EML4: variants seen among roughly 807,000 people sequenced by gnomAD.
EML4 encodes echinoderm microtubule-associated protein-like 4.
In EML4, 72 loss-of-function variants were observed where a neutral mutation model predicts 129.0. The ratio of observed to expected loss-of-function variants is 0.56; its 90% CI spans 0.46 to 0.68. The LOEUF is 0.68. Ranked by LOEUF, EML4 falls within the 30% of genes least tolerant of loss-of-function variation. The pLI is 0.00. For synonymous variants in EML4, 532 were observed against 405.0 expected, an observed-to-expected ratio of 1.31 and a Z score of -3.77; for missense variants, 1,363 against 1,190.6, an observed-to-expected ratio of 1.14 and a Z score of -2.13.
At chr2:42,326,720 A>T (rs1669827424) in intron 21 of EML4, among the ~76,000 whole-genome samples, 1 of 152,260 alleles carries the variant, frequency 6.6e-6, no homozygotes, top group Non-Finnish European at 1.5e-5. Flanking sequence ...TGTCTCTGCT[A>T]AAAATACAAA....
chr2:42,222,033 T>C (rs1442447896), intron 1 of EML4, among the ~76,000 whole-genome samples: 1 of 152,070 alleles, frequency 6.6e-6, no homozygotes, highest in Non-Finnish European at 1.5e-5. Flanking sequence ...GCACCTGGCC[T>C]AAAGTTGTCT....
intron 17 of EML4, among the ~76,000 whole-genome samples, chr2:42,313,544 C>T (rs1405143800): frequency 6.6e-6 from 1 of 152,090 alleles, no homozygotes; most frequent in African/African-American, 2.4e-5. Context: ...AAAAATCCTT[C>T]AAGCCCTTTT....
At chr2:42,282,733 T>C (rs1172052016) in intron 7 of EML4, 90 bp from the exon 8 acceptor site, 1 of 1,149,930 alleles carries the variant, frequency 8.7e-7, no homozygotes, top group Non-Finnish European at 1.3e-6. Flanking sequence ...TTCTTCATTG[T>C]ACCTTCCTAA....
At chr2:42,322,187 G>A (rs950876087) in intron 19 of EML4, among the ~76,000 whole-genome samples, 5 of 152,206 alleles carry the variant, frequency 3.3e-5, no homozygotes, top group African/African-American at 1.2e-4. Flanking sequence ...TTTCAAATCA[G>A]TAGAGAAAGA....
chr2:42,252,648 C>G (rs1245655597), intron 2 of EML4, among the ~76,000 whole-genome samples: 3 of 152,264 alleles, frequency 2.0e-5, no homozygotes, highest in East Asian at 3.9e-4. Flanking sequence ...GTCTCCCCAC[C>G]ACCACCCACT....
intron 17 of EML4, among the ~76,000 whole-genome samples, chr2:42,308,521 T>C (rs769606233): frequency 1.3e-5 from 2 of 152,002 alleles, no homozygotes; most frequent in African/African-American, 2.4e-5. Flanking sequence ...AAGTTAATGC[T>C]CACATAGAAA....
chr2:42,258,524 C>T (rs140220446), intron 3 of EML4, among the ~76,000 whole-genome samples: 3 of 152,210 alleles, frequency 2.0e-5, no homozygotes, highest in Non-Finnish European at 4.4e-5. Context: ...CTGCAGCACC[C>T]GGAGTAGCTG....
intron 1 of EML4, among the ~76,000 whole-genome samples, chr2:42,188,627 C>T (rs902242785): frequency 6.6e-6 from 1 of 151,856 alleles, no homozygotes; most frequent in East Asian, 1.9e-4. Context: ...CTCACTGCAG[C>T]CTCTGCCTCC....
intron 1 of EML4, among the ~76,000 whole-genome samples, chr2:42,181,272 G>A (rs1670921973): frequency 6.6e-6 from 1 of 152,028 alleles, no homozygotes; most frequent in Non-Finnish European, 1.5e-5. Context: ...ATATCTGTAT[G>A]GACTCAGGTT....
intron 13 of EML4, among the ~76,000 whole-genome samples, chr2:42,296,051 ATACAGGTCCT>A (rs1204649708): frequency 6.6e-6 from 1 of 152,226 alleles, no homozygotes; most frequent in Non-Finnish European, 1.5e-5. Flanking sequence ...GCACCCAAAT[ATACAGGTCCT>A]CTTTGCCCTT....
intron 6 of EML4, among the ~76,000 whole-genome samples, chr2:42,270,692 G>A (rs1666314589): frequency 6.6e-6 from 1 of 152,198 alleles, no homozygotes; most frequent in African/African-American, 2.4e-5. Context: ...CATTTACTGA[G>A]AGAGTGTGCA....
At chr2:42,238,994 C>A (rs971721885) in intron 1 of EML4, among the ~76,000 whole-genome samples, 14 of 152,174 alleles carry the variant, frequency 9.2e-5, no homozygotes, top group African/African-American at 3.1e-4. Flanking sequence ...GTCTTGAACT[C>A]CTCGGCTCAC....
At chr2:42,245,187 G>A (rs1362956958) in intron 1 of EML4, among the ~76,000 whole-genome samples, 3 of 136,684 alleles carry the variant, frequency 2.2e-5, no homozygotes, top group South Asian at 2.4e-4. Flanking sequence ...CTCCACCTCC[G>A]GGGTTCACAT....
At chr2:42,173,645 T>C (rs1222896251) in intron 1 of EML4, among the ~76,000 whole-genome samples, 1 of 152,116 alleles carries the variant, frequency 6.6e-6, no homozygotes, top group Non-Finnish European at 1.5e-5. Flanking sequence ...GCCCAGTAGT[T>C]TGAGACCAGC....
intron 5 of EML4, among the ~76,000 whole-genome samples, chr2:42,264,032 G>A (rs1665901257): frequency 6.7e-6 from 1 of 148,832 alleles, no homozygotes; most frequent in Admixed American, 6.7e-5. Context: ...CCAGCCTGGT[G>A]TATGTTTTCT....
intron 17 of EML4, among the ~76,000 whole-genome samples, chr2:42,313,066 A>C (rs1434926159): frequency 5.4e-5 from 8 of 147,218 alleles, no homozygotes. Context: ...CTCCTGCCTC[A>C]GCCTTCCAAG....
chr2:42,235,820 A>G (rs995755375), intron 1 of EML4, among the ~76,000 whole-genome samples: 2 of 152,170 alleles, frequency 1.3e-5, no homozygotes, highest in African/African-American at 2.4e-5. Context: ...TTATGCCACA[A>G]AACCCCAGGG....
At chr2:42,207,200 T>C (rs1271737905) in intron 1 of EML4, among the ~76,000 whole-genome samples, 1 of 152,240 alleles carries the variant, frequency 6.6e-6, no homozygotes, top group African/African-American at 2.4e-5. Flanking sequence ...TTATCATTTG[T>C]AGTTTTATAA....
At chr2:42,221,801 G>T (rs980003745) in intron 1 of EML4, among the ~76,000 whole-genome samples, 1 of 151,806 alleles carries the variant, frequency 6.6e-6, no homozygotes, top group African/African-American at 2.4e-5. Flanking sequence ...ACAAGGTTTC[G>T]TCGTGTTGGC....
Sources: allele counts gnomAD v4.1 joint callset (sites outside exome capture counted in the v4.1 genomes callset), GRCh38; gene constraint gnomAD v4.1.1; transcripts MANE v1.5; gene names NCBI Gene and HGNC (gene_info 2026-07-23, HGNC 2026-07-21).